Variants in SNRPC observed in about 807,000 individuals in gnomAD.
The protein encoded by SNRPC is small nuclear ribonucleoprotein polypeptide C.
Under a neutral mutation model 20.0 loss-of-function variants are expected in SNRPC, and 5 were observed. The observed-to-expected ratio is 0.25, with a 90% CI of 0.13 to 0.53. The LOEUF (loss-of-function observed/expected upper bound fraction) is 0.53, where lower values mean the gene tolerates loss of function less well. SNRPC is among the 20% of genes least tolerant of loss of function. The probability of loss-of-function intolerance (pLI) is 0.96; values close to 1 mark genes in which losing one functional copy is unlikely to be tolerated. For synonymous variants in SNRPC, 61 were observed against 58.7 expected (o/e 1.04, Z -0.18); for missense variants, 112 against 224.1 (o/e 0.50, Z 3.19).
chr6:34,764,609 G>A (rs914061851), intron 3 of SNRPC, among the ~76,000 whole-genome samples: 2 of 151,598 alleles, frequency 1.3e-5, no homozygotes, highest in South Asian at 2.1e-4. Context: ...GTTGCAGTGA[G>A]CTAAGATTGC....
At chr6:34,762,071 A>G (rs9469862) in intron 2 of SNRPC, among the ~76,000 whole-genome samples, 65,435 of 151,948 alleles carry the variant, frequency 0.43, 15,656 homozygotes, top group African/African-American at 0.65. Flanking sequence ...TGGGAGGCCA[A>G]GATGAGAGGA....
chr6:34,770,165 T>C (rs1342850062), intron 4 of SNRPC, 126 bp from the exon 5 acceptor site: 3 of 740,180 alleles, frequency 4.1e-6, no homozygotes, highest in Non-Finnish European at 7.2e-6. Context: ...GAGGTTGTGG[T>C]GAGCCGAGAT....
chr6:34,768,588 C>G (rs1212340727), intron 4 of SNRPC, among the ~76,000 whole-genome samples: 2 of 151,872 alleles, frequency 1.3e-5, no homozygotes, highest in Non-Finnish European at 2.9e-5. Context: ...CCCATCCCTA[C>G]TAAAAATACA....
At chr6:34,769,071 ATCC>A (rs1350519424) in intron 4 of SNRPC, among the ~76,000 whole-genome samples, 1 of 152,182 alleles carries the variant, frequency 6.6e-6, no homozygotes, top group Non-Finnish European at 1.5e-5. Context: ...GGCACCTGCC[ATCC>A]TAGGACCTGG....
At chr6:34,760,291 T>G (rs1222724740) in intron 2 of SNRPC, among the ~76,000 whole-genome samples, 1 of 151,952 alleles carries the variant, frequency 6.6e-6, no homozygotes, top group African/African-American at 2.4e-5. Flanking sequence ...TTTCTTATTT[T>G]TAGTACAGAC....
Position 34,757,963 on chromosome 6 carries a change from C to T in SNRPC, c.51+9C>T, listed in dbSNP as rs1046513181. Reference sequence around the variant, plus strand: ...ACCTCACCCATGACTCTGTAAGTGGCATATCTATTCATAGTTTCAAAAAGC... The same window carrying T: ...ACCTCACCCATGACTCTGTAAGTGGTATATCTATTCATAGTTTCAAAAAGC... On this transcript the variant is annotated intron_variant, in intron 2 of 5. Coordinates refer to ENST00000244520, the MANE Select transcript of SNRPC (RefSeq NM_003093.3). 10 of 1,602,454 alleles carry T rather than the reference C, an allele frequency of 6.2e-6. No individual in the cohort carries two copies. Among genetic ancestry groups the T allele is most frequent in the Non-Finnish European group, 8.5e-6 (10 of 1,177,466 alleles).
chr6:34,765,236 C>T (rs1218485032), intron 3 of SNRPC, among the ~76,000 whole-genome samples: 1 of 152,104 alleles, frequency 6.6e-6, no homozygotes, highest in African/African-American at 2.4e-5. Flanking sequence ...AACTAGATGC[C>T]CGTACCAACC....
At chr6:34,764,486 CAAAA>C (rs200484684) in intron 3 of SNRPC, among the ~76,000 whole-genome samples, 1 of 145,734 alleles carries the variant, frequency 6.9e-6, no homozygotes, top group Non-Finnish European at 1.5e-5. Flanking sequence ...CAAAAACAAA[CAAAA>C]AAAAACAACA....
At chr6:34,761,716 G>A (rs954856218) in intron 2 of SNRPC, among the ~76,000 whole-genome samples, 1 of 150,966 alleles carries the variant, frequency 6.6e-6, no homozygotes, top group Non-Finnish European at 1.5e-5. Context: ...GTTTCACCAT[G>A]TTAGCCAGGA....
At chr6:34,760,503 G>A (rs909136017) in intron 2 of SNRPC, among the ~76,000 whole-genome samples, 2 of 152,036 alleles carry the variant, frequency 1.3e-5, no homozygotes, top group African/African-American at 4.8e-5. Flanking sequence ...AAAACCCCTC[G>A]ACATAATTTT....
At chr6:34,767,765 C>T in intron 3 of SNRPC, 143 bp from the exon 4 acceptor site, 1 of 794,100 alleles carries the variant, frequency 1.3e-6, no homozygotes, top group Non-Finnish European at 1.8e-6. Flanking sequence ...ACTGTAGAAC[C>T]ATGATGTAAT....
chr6:34,761,506 A>G (rs1305611697), intron 2 of SNRPC, among the ~76,000 whole-genome samples: 1 of 146,070 alleles, frequency 6.8e-6, no homozygotes, highest in African/African-American at 2.6e-5. Flanking sequence ...TGGGAAGACA[A>G]GGAACAATTT....
chr6:34,761,724 G>A (rs1038944048), intron 2 of SNRPC, among the ~76,000 whole-genome samples: 1 of 151,476 alleles, frequency 6.6e-6, no homozygotes, highest in Non-Finnish European at 1.5e-5. Flanking sequence ...ATGTTAGCCA[G>A]GATGGTCTCG....
intron 4 of SNRPC, 122 bp downstream of exon 4, chr6:34,768,119 G>A: frequency 3.0e-6 from 2 of 661,718 alleles, no homozygotes; most frequent in Non-Finnish European, 2.4e-6. Flanking sequence ...TAATATAAAT[G>A]TATAAATATA....
At chr6:34,767,875 CTTTTTTT>C (rs371572218) in intron 3 of SNRPC, 26 bp from the exon 4 acceptor site, 13 of 1,343,492 alleles carry the variant, frequency 9.7e-6, no homozygotes, top group Non-Finnish European at 1.2e-5. Context: ...TCTTATTCAT[CTTTTTTT>C]TTTTTTTTTT....
At position 34,767,987 on chromosome 6, in the gene SNRPC, C is replaced by A; in HGVS notation, c.240C>A (p.Pro80=). ...PPPAGAMIPP[P]PSLPGPPRPG... ...CTGCAGGGGCGATGATACCACCTCC[C>A]CCCAGCCTTCGTAAGTTTAAACTTT... The change falls in exon 4 of 6, where the codon CCC becomes CCA. Residue 80 remains proline (P), a synonymous_variant. Coordinates refer to ENST00000244520, the MANE Select transcript of SNRPC (RefSeq NM_003093.3). The A allele has an allele frequency of 6.2e-7, 1 of 1,612,178 alleles. No individual in the cohort carries two copies. The highest frequency in any genetic ancestry group is 1.1e-5 in the South Asian group (1 of 90,736).
chr6:34,771,328 CAAAAAAAAAA>C (rs774284128), intron 5 of SNRPC, among the ~76,000 whole-genome samples: 4 of 63,804 alleles, frequency 6.3e-5, no homozygotes, highest in Admixed American at 1.7e-4. Context: ...GACTGTGTCT[CAAAAAAAAAA>C]AAAAAAAAAA....
At position 34,769,247 on chromosome 6, in the gene SNRPC, T is replaced by C. The variant is rs937510475; in HGVS notation, c.251-1044T>C. ...TTTCTTTCTTTTTTTTTTTTTTTTTTGAGACAGAGTCTCACTCTGTTGCCC... is the reference window on the plus strand; with the variant it reads ...TTTCTTTCTTTTTTTTTTTTTTTTTCGAGACAGAGTCTCACTCTGTTGCCC... On this transcript the variant is annotated intron_variant, in intron 4 of 5. Transcript: ENST00000244520. Among the ~76,000 whole-genome samples the C allele has an allele frequency of 3.6e-5, 5 of 138,762 alleles. No homozygotes were observed. In the East Asian group the frequency reaches 1.1e-3, roughly 30 times the overall value. 91.0% of individuals were successfully genotyped at this position (138,762 alleles called of 152,430 possible). A position where few individuals can be genotyped will look rare whatever the true frequency, so the allele number is the denominator to read the frequency against.
At chr6:34,763,895 T>G (rs2127406453) in intron 3 of SNRPC, among the ~76,000 whole-genome samples, 2 of 148,916 alleles carry the variant, frequency 1.3e-5, no homozygotes, top group East Asian at 2.1e-4. Context: ...TTTTGTATTT[T>G]TAGTAGAGAC....
Sources: allele counts gnomAD v4.1 joint callset (sites outside exome capture counted in the v4.1 genomes callset), GRCh38; gene constraint gnomAD v4.1.1; transcripts MANE v1.5; gene names NCBI Gene and HGNC (gene_info 2026-07-23, HGNC 2026-07-21).